GJB7: variants seen among roughly 807,000 people sequenced by gnomAD.
The protein encoded by GJB7 is gap junction beta-7 protein.
For synonymous variants in GJB7, 87 were observed against 95.2 expected (o/e 0.91, Z 0.50); for missense variants, 253 against 256.8 (o/e 0.99, Z 0.10).
chr6:87,315,703 T>C (rs550052129), intron 2 of GJB7, among the ~76,000 whole-genome samples: 4 of 146,912 alleles, frequency 2.7e-5, no homozygotes, highest in Admixed American at 7.0e-5. Context: ...GGCTGAGGCA[T>C]GAGAATCACT....
At chr6:87,323,709 A>G (rs1270513946) in intron 1 of GJB7, among the ~76,000 whole-genome samples, 2 of 151,954 alleles carry the variant, frequency 1.3e-5, no homozygotes, top group African/African-American at 2.4e-5. Context: ...GGTCTTTGCT[A>G]TTGTGAATAA....
intron 2 of GJB7, among the ~76,000 whole-genome samples, chr6:87,289,445 T>C (rs920941360): frequency 6.6e-6 from 1 of 152,228 alleles, no homozygotes; most frequent in African/African-American, 2.4e-5. Flanking sequence ...TAACAATTGA[T>C]TCTCATTACG....
intron 2 of GJB7, among the ~76,000 whole-genome samples, chr6:87,290,884 C>T (rs566966846): frequency 1.3e-5 from 2 of 152,330 alleles, no homozygotes; most frequent in South Asian, 4.1e-4. Context: ...AAAACATTTA[C>T]ATAGTACTTA....
chr6:87,303,739 G>A (rs1024946994), intron 2 of GJB7, among the ~76,000 whole-genome samples: 18 of 152,022 alleles, frequency 1.2e-4, no homozygotes, highest in African/African-American at 3.1e-4. Flanking sequence ...TCAGCACTAC[G>A]TTGCACTTAT....
At chr6:87,293,367 T>G (rs1267941365) in intron 2 of GJB7, among the ~76,000 whole-genome samples, 1 of 152,214 alleles carries the variant, frequency 6.6e-6, no homozygotes, top group Non-Finnish European at 1.5e-5. Context: ...ATATTATTAG[T>G]TATGTTACTG....
rs1775999094 is a variant in GJB7, at chr6:87,282,989, A to G, written c.*1252T>C. 6.6e-6 allele frequency: 1 copy of G among 152,242 alleles called. No individual in the cohort carries two copies. The highest frequency in any genetic ancestry group is 2.4e-5 in the African/African-American group (1 of 41,466). The allele number at this position is 152,242 out of a possible 1,614,324, so 9.4% of individuals were successfully genotyped here. A position where few individuals can be genotyped will look rare whatever the true frequency, so the allele number is the denominator to read the frequency against. On this transcript the variant is annotated 3_prime_UTR_variant, in exon 3 of 3. Coordinates refer to ENST00000525899, the MANE Select transcript of GJB7 (RefSeq NM_198568.3). ...AATGACAGCCAAAGAGCATTGTGAA[A>G]TACCCTTATTTTTATTCTGAAGAAA...
At chr6:87,318,827 T>C (rs554304105) in intron 2 of GJB7, among the ~76,000 whole-genome samples, 20 of 152,352 alleles carry the variant, frequency 1.3e-4, no homozygotes, top group African/African-American at 4.6e-4. Context: ...TCATATCAAC[T>C]ACTTTGGCTT....
intron 1 of GJB7, among the ~76,000 whole-genome samples, chr6:87,328,552 G>T (rs569480414): frequency 6.6e-6 from 1 of 152,076 alleles, no homozygotes; most frequent in Non-Finnish European, 1.5e-5. Flanking sequence ...CTGCCTCCCA[G>T]TTAGGCTGCT....
intron 2 of GJB7, among the ~76,000 whole-genome samples, chr6:87,304,107 T>G (rs1456636205): frequency 6.6e-6 from 1 of 151,964 alleles, no homozygotes; most frequent in East Asian, 1.9e-4. Flanking sequence ...AACATCACAA[T>G]TGAAAGAACT....
At chr6:87,303,132 A>C (rs560391922) in intron 2 of GJB7, among the ~76,000 whole-genome samples, 70 of 152,336 alleles carry the variant, frequency 4.6e-4, no homozygotes, top group Middle Eastern at 3.4e-3. Context: ...TGAGCAAAAT[A>C]ACCAGCTAAC....
At chr6:87,302,503 A>C (rs1489854743) in intron 2 of GJB7, among the ~76,000 whole-genome samples, 1 of 152,222 alleles carries the variant, frequency 6.6e-6, no homozygotes, top group Non-Finnish European at 1.5e-5. Flanking sequence ...AAATGAACAA[A>C]GCCTCCAAGA....
At chr6:87,327,142 AT>A (rs1255706974) in intron 1 of GJB7, among the ~76,000 whole-genome samples, 2 of 150,658 alleles carry the variant, frequency 1.3e-5, no homozygotes, top group African/African-American at 4.9e-5. Context: ...CCATCCTTTT[AT>A]TTTGAGCCTA....
chr6:87,286,419 C>CATCT (rs1406437450), intron 2 of GJB7, among the ~76,000 whole-genome samples: 1 of 152,136 alleles, frequency 6.6e-6, no homozygotes, highest in Non-Finnish European at 1.5e-5. Context: ...ATCTCAAATC[C>CATCT]ATCTCCAGGT....
At chr6:87,302,158 A>G (rs1157801767) in intron 2 of GJB7, among the ~76,000 whole-genome samples, 3 of 152,268 alleles carry the variant, frequency 2.0e-5, no homozygotes, top group Admixed American at 6.5e-5. Context: ...CTCACCAGCA[A>G]TGCAACAAAG....
chr6:87,322,900 T>G lies in GJB7; in HGVS notation c.-62A>C, dbSNP rs1482230887. On this transcript the variant is annotated 5_prime_UTR_variant, in exon 2 of 3. The change abolishes an upstream ATG in the 5' untranslated region. Coordinates refer to ENST00000525899, the MANE Select transcript of GJB7 (RefSeq NM_198568.3). ...TCCAGTTTGTTCGGTGCTTCATCCA[T>G]GGACACCCCCACCCCGAGAACTCTC... 1.3e-5 allele frequency: 2 copies of G among 152,432 alleles called. No individual in the cohort carries two copies. The highest frequency in any genetic ancestry group is 2.9e-5 in the Non-Finnish European group (2 of 68,220). 9.4% of individuals were successfully genotyped at this position (152,432 alleles called of 1,614,324 possible).
intron 2 of GJB7, among the ~76,000 whole-genome samples, chr6:87,292,765 C>T (rs2127899693): frequency 6.6e-6 from 1 of 152,276 alleles, no homozygotes; most frequent in Admixed American, 6.5e-5. Context: ...CACCTTCATT[C>T]CTTCATTTTA....
At chr6:87,310,648 G>A (rs1776503146) in intron 2 of GJB7, among the ~76,000 whole-genome samples, 1 of 147,308 alleles carries the variant, frequency 6.8e-6, no homozygotes, top group Admixed American at 6.7e-5. Context: ...AAAACATATT[G>A]AAATAAAAAA....
intron 2 of GJB7, among the ~76,000 whole-genome samples, chr6:87,314,737 T>C (rs1055714948): frequency 1.3e-5 from 2 of 152,002 alleles, no homozygotes; most frequent in East Asian, 1.9e-4. Flanking sequence ...ATCTCCCTAG[T>C]CTACTCAACA....
intron 2 of GJB7, chr6:87,300,104 C>G: frequency 3.2e-6 from 1 of 308,330 alleles, no homozygotes; most frequent in African/African-American, 2.2e-5. Context: ...TGCACTTGAG[C>G]CTTGGATTCA....
Sources: allele counts gnomAD v4.1 joint callset (sites outside exome capture counted in the v4.1 genomes callset), GRCh38; gene constraint gnomAD v4.1.1; transcripts MANE v1.5; gene names NCBI Gene and HGNC (gene_info 2026-07-23, HGNC 2026-07-21).